The following MYZAP variants were observed in gnomAD, a reference collection of about 807,000 sequenced individuals.
MYZAP encodes GRINL1A complex locus upstream.
In MYZAP, 66 loss-of-function variants were observed where a neutral mutation model predicts 69.4. The ratio of observed to expected loss-of-function variants is 0.95; its 90% CI spans 0.78 to 1.17. The LOEUF is 1.17. MYZAP is among the 50% of genes most tolerant of loss of function. The pLI, the probability that MYZAP is intolerant of heterozygous loss-of-function variation, is 0.00. For synonymous variants in MYZAP, 256 were observed against 205.9 expected (o/e 1.24, Z -2.09); for missense variants, 611 against 556.2 (o/e 1.10, Z -0.99).
At position 57,633,648 on chromosome 15, in the gene MYZAP, A is replaced by C. The variant is rs767713926; in HGVS notation, c.840A>C (p.Glu280Asp). 1.2e-6 allele frequency: 2 copies of C among 1,613,576 alleles called. No homozygotes were observed. The highest frequency in any genetic ancestry group is 1.7e-6 in the Non-Finnish European group (2 of 1,179,764). ...ATAGTTTTCTGAAAGCGATTGAAGA[A>C]GCCAATAAAAAGATGCAAGCAGCAG... ...ETNSFLKAIE[E>D]ANKKMQAAEI... Residue 280 changes from glutamate to aspartate, a missense_variant, in exon 8 of 13, where the codon GAA becomes GAC. Coordinates refer to ENST00000267853, the MANE Select transcript of MYZAP (RefSeq NM_001018100.5).
Position 57,618,216 on chromosome 15 carries a change from C to A in MYZAP, c.318+28C>A, listed in dbSNP as rs375935328. 1.4e-5 allele frequency: 22 copies of A among 1,608,026 alleles called. No homozygotes were observed. The African/African-American group carries it at 2.0e-4, about 15-fold the overall frequency. On this transcript the variant is annotated intron_variant, in intron 3 of 12. Coordinates refer to ENST00000267853, the MANE Select transcript of MYZAP (RefSeq NM_001018100.5). ...GAGCCATTTAAGAGTTTTTGCCCCC[C>A]ACCTGTATTCTTTTTGTAGCATGCA...
chr15:57,676,296 C>T (rs139740211), intron 12 of MYZAP, among the ~76,000 whole-genome samples: 60 of 151,566 alleles, frequency 4.0e-4, no homozygotes, highest in African/African-American at 1.1e-3. Flanking sequence ...TTACCAAAAG[C>T]GGCATTAGGT....
chr15:57,625,925 C>A (rs776777542), intron 5 of MYZAP, 33 bp downstream of exon 5: 2 of 1,592,904 alleles, frequency 1.3e-6, no homozygotes, highest in South Asian at 2.2e-5. Flanking sequence ...GACAGGGCAA[C>A]CCAGCTTAAT....
chr15:57,601,068 C>G lies in MYZAP; in HGVS notation c.76-3201C>G, dbSNP rs760837261. ...TCCAGCCTGGGCGACAGAGCAAGAC[C>G]CAGTCTCAAAATAAATAAATAATCA... On this transcript the variant is annotated intron_variant, in intron 1 of 12. Transcript: ENST00000267853. Among the ~76,000 whole-genome samples, 42 of 151,968 alleles carry G rather than the reference C, an allele frequency of 2.8e-4. 1 individual carries two copies. The highest frequency in any genetic ancestry group is 2.8e-3 in the Admixed American group (42 of 15,262).
chr15:57,592,194 C>T (rs2140298995), intron 1 of MYZAP, 85 bp downstream of exon 1: 1 of 1,184,208 alleles, frequency 8.4e-7, no homozygotes, highest in Non-Finnish European at 1.1e-6. Flanking sequence ...TGGGAAAGCT[C>T]GGGAGCCAGC....
At chr15:57,679,375 T>TGTGGTG (rs1555465672) in intron 12 of MYZAP, among the ~76,000 whole-genome samples, 1 of 115,010 alleles carries the variant, frequency 8.7e-6, no homozygotes, top group African/African-American at 3.3e-5. Context: ...TGTGTGTGTG[T>TGTGGTG]TTCTCTCTCT....
At chr15:57,603,619 A>G (rs1345334700) in intron 1 of MYZAP, among the ~76,000 whole-genome samples, 1 of 152,214 alleles carries the variant, frequency 6.6e-6, no homozygotes, top group East Asian at 1.9e-4. Context: ...TTCACTTAGC[A>G]TAGTGTCTTC....
intron 12 of MYZAP, among the ~76,000 whole-genome samples, chr15:57,676,433 T>C (rs62000064): frequency 6.1e-5 from 1 of 16,470 alleles, no homozygotes; most frequent in African/African-American, 1.3e-4. Context: ...TATATATATA[T>C]ATGTATATAT....
In MYZAP at chr15:57,650,261, T is replaced by C. The variant is rs537044583; in HGVS notation, c.1119+10716T>C. 6.9e-4 allele frequency among the ~76,000 whole-genome samples: 105 copies of C among 152,286 alleles called. 1 individual carries two copies. The highest frequency in any genetic ancestry group is 2.3e-3 in the African/African-American group (96 of 41,572). On this transcript the variant is annotated intron_variant, in intron 10 of 12. Transcript: ENST00000267853. ...CCCTCTGCTGAAGACTGAAGGAAAC[T>C]CATTCCTTGGGCTTAAGAGTGGGAA...
chr15:57,635,935 C>T (rs1048317441), intron 8 of MYZAP, among the ~76,000 whole-genome samples: 1 of 152,190 alleles, frequency 6.6e-6, no homozygotes, highest in Non-Finnish European at 1.5e-5. Context: ...AAGGAGTGTT[C>T]TCTACCAGGG....
chr15:57,647,265 T>TTAGA, intron 10 of MYZAP: 1 of 985,432 alleles, frequency 1.0e-6, no homozygotes, highest in African/African-American at 1.7e-5. Context: ...TTAATATTGT[T>TTAGA]CACCTGTGCA....
chr15:57,659,855 A>G (rs1242757886), intron 10 of MYZAP, among the ~76,000 whole-genome samples: 2 of 152,318 alleles, frequency 1.3e-5, no homozygotes, highest in East Asian at 1.9e-4. Flanking sequence ...AACCTATGTA[A>G]TAACTTATGT....
intron 4 of MYZAP, among the ~76,000 whole-genome samples, chr15:57,624,835 C>T (rs1183957528): frequency 6.6e-6 from 1 of 152,186 alleles, no homozygotes; most frequent in African/African-American, 2.4e-5. Context: ...TGGCTTGCTG[C>T]TTCAATTCTG....
At chr15:57,592,137 C>A in intron 1 of MYZAP, 28 bp downstream of exon 1, 2 of 1,287,452 alleles carry the variant, frequency 1.6e-6, no homozygotes, top group Non-Finnish European at 9.8e-7. Context: ...GAGCCGCCGC[C>A]GTCCCGTTCC....
intron 1 of MYZAP, 52 bp downstream of exon 1, chr15:57,592,161 C>T (rs1208888865): frequency 1.7e-5 from 22 of 1,274,208 alleles, no homozygotes; most frequent in South Asian, 1.0e-4. Context: ...ATCCCGGCCG[C>T]CCCCTCTAGA....
At chr15:57,612,646 T>A (rs2035179037) in intron 2 of MYZAP, among the ~76,000 whole-genome samples, 1 of 152,204 alleles carries the variant, frequency 6.6e-6, no homozygotes, top group Non-Finnish European at 1.5e-5. Context: ...ATCATTGGCC[T>A]TGTTAACGCA....
chr15:57,599,810 G>A (rs1188721541), intron 1 of MYZAP: 10 of 778,808 alleles, frequency 1.3e-5, no homozygotes, highest in Admixed American at 4.7e-5. Flanking sequence ...CTTTATGGGT[G>A]GTTCAGGGGT....
chr15:57,605,498 C>T (rs1007889005), intron 2 of MYZAP, among the ~76,000 whole-genome samples: 32 of 152,304 alleles, frequency 2.1e-4, no homozygotes, highest in Non-Finnish European at 4.1e-4. Flanking sequence ...AGCTTCTCAT[C>T]GATGGCTAAG....
intron 1 of MYZAP, among the ~76,000 whole-genome samples, chr15:57,595,672 G>C (rs2140309940): frequency 6.6e-6 from 1 of 152,278 alleles, no homozygotes; most frequent in East Asian, 1.9e-4. Context: ...TGATAGATCT[G>C]TCAAGGATCT....
Sources: gnomAD v4.1 joint callset for allele counts (sites outside exome capture counted in the v4.1 genomes callset) on GRCh38, gnomAD v4.1.1 for gene constraint, MANE v1.5 for transcripts, NCBI Gene and HGNC (gene_info 2026-07-23, HGNC 2026-07-21) for gene names.